Variants in SPHKAP observed in about 807,000 individuals in gnomAD.
SPHKAP encodes SPHK1 interactor, AKAP domain containing, also known as A-kinase anchor protein SPHKAP.
A neutral mutation model predicts 137.5 loss-of-function variants in SPHKAP; 67 were observed. The ratio of observed to expected loss-of-function variants is 0.49; its 90% CI spans 0.40 to 0.60. The LOEUF is 0.60. Among genes scored for constraint, SPHKAP ranks in the 20% least tolerant of loss-of-function variants. The pLI is 0.00. For missense variants in SPHKAP, 2,097 were observed against 2,069.3 expected (o/e 1.01, Z -0.26); for synonymous variants, 813 against 785.3 (o/e 1.04, Z -0.59).
At chr2:228,027,334 G>A (rs1008258692) in intron 4 of SPHKAP, 150 bp downstream of exon 4, 5 of 769,514 alleles carry the variant, frequency 6.5e-6, no homozygotes, top group Non-Finnish European at 8.4e-6. Context: ...AACGGTAGAG[G>A]GTAAGTGCTA....
chr2:228,026,588 C>T (rs888485530), intron 4 of SPHKAP, among the ~76,000 whole-genome samples: 4 of 146,936 alleles, frequency 2.7e-5, no homozygotes, highest in African/African-American at 7.7e-5. Flanking sequence ...TTCAAACACA[C>T]TACTCTTAGA....
At chr2:228,029,164 T>C (rs1317186916) in intron 3 of SPHKAP, among the ~76,000 whole-genome samples, 3 of 152,226 alleles carry the variant, frequency 2.0e-5, no homozygotes, top group Non-Finnish European at 4.4e-5. Context: ...GGTTCTCTAA[T>C]ACTTTGCTAG....
chr2:228,014,873 C>A (rs1044723203), intron 7 of SPHKAP, among the ~76,000 whole-genome samples: 8 of 152,068 alleles, frequency 5.3e-5, no homozygotes, highest in East Asian at 3.9e-4. Flanking sequence ...GTTTTCCAAG[C>A]CCAGTAGCTT....
intron 1 of SPHKAP, among the ~76,000 whole-genome samples, chr2:228,177,039 G>C (rs1311172972): frequency 1.3e-5 from 2 of 152,002 alleles, no homozygotes; most frequent in Admixed American, 1.3e-4. Context: ...GAGACCACTT[G>C]TAAAACAAAA....
intron 1 of SPHKAP, among the ~76,000 whole-genome samples, chr2:228,170,510 C>T (rs1022923501): frequency 6.6e-6 from 1 of 151,998 alleles, no homozygotes; most frequent in Admixed American, 6.6e-5. Context: ...GCACAGCCAC[C>T]CCAATATTCA....
rs1694785161 is a variant in SPHKAP, at chr2:228,020,176, G to A, written c.698-20C>T. 1 of 1,558,316 alleles carries A rather than the reference G, an allele frequency of 6.4e-7. No homozygotes were observed. On this transcript the variant is annotated intron_variant, in intron 6 of 11. Transcript: ENST00000392056. Reference sequence around the variant, plus strand: ...CATAATCTAGTGAGGAGAAAATGAGGGGCACTATTACTTTTTGGATAGCAG... The same window carrying A: ...CATAATCTAGTGAGGAGAAAATGAGAGGCACTATTACTTTTTGGATAGCAG...
intron 3 of SPHKAP, among the ~76,000 whole-genome samples, chr2:228,095,349 A>G (rs963439034): frequency 6.6e-6 from 1 of 152,218 alleles, no homozygotes; most frequent in Non-Finnish European, 1.5e-5. Context: ...TTTTGGACAG[A>G]TCTTTGGGAA....
intron 1 of SPHKAP, among the ~76,000 whole-genome samples, chr2:228,148,327 A>G (rs1699836923): frequency 6.6e-6 from 1 of 152,198 alleles, no homozygotes; most frequent in Non-Finnish European, 1.5e-5. Context: ...TTGAGGAAAG[A>G]GGAATGCTCT....
chr2:228,181,544 G>A lies in SPHKAP; in HGVS notation c.32+23C>T. 1 of 1,614,188 alleles carries A rather than the reference G, an allele frequency of 6.2e-7. No homozygotes were observed. Among genetic ancestry groups the A allele is most frequent in the South Asian group, 1.1e-5 (1 of 91,084 alleles). ...CGGAGTTTGATCGACATGGTATTGG[G>A]CATAGAAAGAAGCGGGTCTTACCTT... On this transcript the variant is annotated intron_variant, in intron 1 of 11. Coordinates refer to ENST00000392056, the MANE Select transcript of SPHKAP (RefSeq NM_001142644.2). This position sits in a 1 kb window ranked among gnomAD's most constrained non-coding sequence, Gnocchi z 4.3.
intron 3 of SPHKAP, among the ~76,000 whole-genome samples, chr2:228,033,834 G>T (rs555747215): frequency 2.6e-5 from 4 of 152,156 alleles, no homozygotes; most frequent in Non-Finnish European, 4.4e-5. Flanking sequence ...AAACCAATGA[G>T]AACAAAGACA....
At chr2:228,176,390 G>T (rs1262287662) in intron 1 of SPHKAP, among the ~76,000 whole-genome samples, 2 of 152,200 alleles carry the variant, frequency 1.3e-5, no homozygotes, top group African/African-American at 4.8e-5. Context: ...CTACAATACA[G>T]GTTGTGGCAT....
intron 1 of SPHKAP, among the ~76,000 whole-genome samples, chr2:228,153,270 ATT>A (rs1699994663): frequency 6.6e-6 from 1 of 152,166 alleles, no homozygotes; most frequent in Admixed American, 6.5e-5. Context: ...TATTATTAAT[ATT>A]GTTTTATACA....
intron 7 of SPHKAP, among the ~76,000 whole-genome samples, chr2:228,000,947 T>C (rs1309773835): frequency 1.3e-5 from 2 of 152,122 alleles, no homozygotes; most frequent in African/African-American, 2.4e-5. Flanking sequence ...ATCTTTAGTT[T>C]TGTAAAACAC....
chr2:228,078,572 T>G (rs991923421), intron 3 of SPHKAP, among the ~76,000 whole-genome samples: 1 of 152,120 alleles, frequency 6.6e-6, no homozygotes, highest in Non-Finnish European at 1.5e-5. Context: ...GATGGTGGAA[T>G]AGGACTCTTT....
rs1445539416 is a variant in SPHKAP, at chr2:228,181,549, G to T, written c.32+18C>A. On this transcript the variant is annotated intron_variant, in intron 1 of 11. Transcript: ENST00000392056. The surrounding 1 kb of genome is among the most constrained non-coding windows in gnomAD (Gnocchi z 4.3). ...TTTGATCGACATGGTATTGGGCATA[G>T]AAAGAAGCGGGTCTTACCTTGGTAC... 6.2e-7 allele frequency: 1 copy of T among 1,614,220 alleles called. No individual in the cohort carries two copies. The highest frequency in any genetic ancestry group is 8.5e-7 in the Non-Finnish European group (1 of 1,180,030).
At chr2:228,039,938 T>G (rs1695774707) in intron 3 of SPHKAP, among the ~76,000 whole-genome samples, 1 of 152,222 alleles carries the variant, frequency 6.6e-6, no homozygotes, top group Non-Finnish European at 1.5e-5. Context: ...CATTGTATTC[T>G]GCGTCCACTA....
chr2:228,017,239 G>C lies in SPHKAP; in HGVS notation c.3615C>G (p.Asp1205Glu), dbSNP rs1475864522. The C allele has an allele frequency of 1.9e-6, 3 of 1,614,030 alleles. No homozygotes were observed. The South Asian group carries it at 3.3e-5, about 18-fold the overall frequency. Reference sequence around the variant, plus strand: ...GTCTGGAGGAGGCACTTTCTCTGCTGTCTCTTTCGATGTCCCTCAGCATGT... The same window carrying C: ...GTCTGGAGGAGGCACTTTCTCTGCTCTCTCTTTCGATGTCCCTCAGCATGT... ...YRYMLRDIER[D>E]SRESASSRRS... The change falls in exon 7 of 12, where the codon GAC becomes GAG. Residue 1205 changes from aspartate to glutamate, a missense_variant. By Grantham distance (45) the Asp-to-Glu change is conservative. Coordinates refer to ENST00000392056, the MANE Select transcript of SPHKAP (RefSeq NM_001142644.2).
chr2:227,997,824 T>C (rs1274842617), intron 7 of SPHKAP, among the ~76,000 whole-genome samples: 1 of 152,198 alleles, frequency 6.6e-6, no homozygotes, highest in Non-Finnish European at 1.5e-5. Context: ...TGTTTGCACT[T>C]GTTTGTATTT....
At chr2:228,109,231 T>C in intron 2 of SPHKAP, 1 of 339,346 alleles carries the variant, frequency 2.9e-6, no homozygotes, top group Non-Finnish European at 4.2e-6. Flanking sequence ...TGCAATCAAA[T>C]GATTGTTTTG....
Sources: allele counts gnomAD v4.1 joint callset (sites outside exome capture counted in the v4.1 genomes callset), GRCh38; gene constraint gnomAD v4.1.1; non-coding constraint Gnocchi (gnomAD v3.1); transcripts MANE v1.5; gene names NCBI Gene and HGNC (gene_info 2026-07-23, HGNC 2026-07-21).